The following SH2D4A variants were observed in gnomAD, a reference collection of about 807,000 sequenced individuals.
The protein encoded by SH2D4A is SH2 domain containing 4A.
SH2D4A carries 70 observed loss-of-function variants against 64.7 expected under a neutral mutation model. The observed-to-expected ratio is 1.08, with a 90% CI of 0.89 to 1.32. The LOEUF (loss-of-function observed/expected upper bound fraction) is 1.32, where lower values mean the gene tolerates loss of function less well. SH2D4A is among the 40% of genes most tolerant of loss of function. The probability of loss-of-function intolerance (pLI) is 0.00; values close to 1 mark genes in which losing one functional copy is unlikely to be tolerated. For synonymous variants in SH2D4A, 268 were observed against 200.7 expected, an observed-to-expected ratio of 1.34 and a Z score of -2.83; for missense variants, 706 against 540.1, an observed-to-expected ratio of 1.31 and a Z score of -3.04.
intron 4 of SH2D4A, among the ~76,000 whole-genome samples, chr8:19,356,345 T>C (rs2052791445): frequency 1.3e-5 from 2 of 152,204 alleles, no homozygotes; most frequent in Admixed American, 6.5e-5. Flanking sequence ...ACCAACCTTT[T>C]GCTGAAATTT....
intron 4 of SH2D4A, among the ~76,000 whole-genome samples, chr8:19,345,609 GC>G: frequency 6.6e-6 from 1 of 152,166 alleles, no homozygotes; most frequent in Non-Finnish European, 1.5e-5. Flanking sequence ...TTTCACTACA[GC>G]CCTCCCCTTG....
intron 4 of SH2D4A, among the ~76,000 whole-genome samples, chr8:19,336,277 A>G (rs1001242355): frequency 7.9e-5 from 12 of 151,988 alleles, no homozygotes; most frequent in African/African-American, 2.9e-4. Flanking sequence ...CTTAACTCTC[A>G]TGTTTGGTTG....
At chr8:19,385,060 T>A (rs905005245) in intron 8 of SH2D4A, among the ~76,000 whole-genome samples, 2 of 152,218 alleles carry the variant, frequency 1.3e-5, no homozygotes, top group Non-Finnish European at 2.9e-5. Context: ...TCTTGATTTG[T>A]TTCTTGTGGC....
chr8:19,354,576 A>C (rs1248355177), intron 4 of SH2D4A, among the ~76,000 whole-genome samples: 1 of 152,228 alleles, frequency 6.6e-6, no homozygotes, highest in Non-Finnish European at 1.5e-5. Flanking sequence ...GCATGCTGAA[A>C]GTACTAGTAA....
At chr8:19,364,721 T>C (rs1163310961) in intron 7 of SH2D4A, among the ~76,000 whole-genome samples, 1 of 152,218 alleles carries the variant, frequency 6.6e-6, no homozygotes, top group Non-Finnish European at 1.5e-5. Context: ...GACTTTCGTG[T>C]GATCAGTGGG....
intron 7 of SH2D4A, 55 bp from the exon 8 acceptor site, chr8:19,373,475 G>C: frequency 7.5e-7 from 1 of 1,337,196 alleles, no homozygotes; most frequent in Non-Finnish European, 1.0e-6. Context: ...TGACTTTTGA[G>C]GGCATTATTT....
rs564470054 is a variant in SH2D4A, at chr8:19,388,164, G to A, written c.1049-5154G>A. ...ATTCCAGGAAAATTCCATGAGCCTA[G>A]TGGGTTAAAAAGCATAGTGAGTTAA... On this transcript the variant is annotated intron_variant, in intron 8 of 9. Coordinates refer to ENST00000265807, the MANE Select transcript of SH2D4A (RefSeq NM_022071.4). Among the ~76,000 whole-genome samples, 335 of 152,302 alleles carry A rather than the reference G, an allele frequency of 2.2e-3. 3 individuals are homozygous for A. The highest frequency in any genetic ancestry group is 6.1e-3 in the Admixed American group (93 of 15,296).
intron 3 of SH2D4A, 136 bp downstream of exon 3, chr8:19,333,250 T>C: frequency 1.1e-6 from 1 of 947,362 alleles, no homozygotes; most frequent in Non-Finnish European, 1.5e-6. Context: ...ACTTTGGATC[T>C]CTTTGGAAGG....
Position 19,389,635 on chromosome 8 carries a change from C to T in SH2D4A, c.1049-3683C>T, listed in dbSNP as rs139807959. On this transcript the variant is annotated intron_variant, in intron 8 of 9. Coordinates refer to ENST00000265807, the MANE Select transcript of SH2D4A (RefSeq NM_022071.4). ...TGTGGGCTGCCAGAGTTCTGCCAGT[C>T]CTGGCCTGGATTCAACTCTAAAATC... 7.1e-3 allele frequency among the ~76,000 whole-genome samples: 1,076 copies of T among 152,272 alleles called. 40 individuals are homozygous for T. The highest frequency in any genetic ancestry group is 0.066 in the Admixed American group (1,006 of 15,284).
chr8:19,391,018 T>A (rs866215895), intron 8 of SH2D4A, among the ~76,000 whole-genome samples: 1 of 152,176 alleles, frequency 6.6e-6, no homozygotes, highest in Non-Finnish European at 1.5e-5. Context: ...TAGTGAGCCG[T>A]CAGCCTAGGA....
chr8:19,354,714 T>C (rs538503037), intron 4 of SH2D4A, among the ~76,000 whole-genome samples: 11 of 152,218 alleles, frequency 7.2e-5, no homozygotes, highest in Non-Finnish European at 1.0e-4. Context: ...GGATGGAGGA[T>C]AACTCACGCA....
chr8:19,373,471 T>G, intron 7 of SH2D4A, 59 bp from the exon 8 acceptor site: 1 of 1,280,508 alleles, frequency 7.8e-7, no homozygotes. Context: ...TATATGACTT[T>G]TGAGGGCATT....
rs537660323 is a variant in SH2D4A, at chr8:19,396,071, G to C, written c.*1429G>C. On this transcript the variant is annotated 3_prime_UTR_variant, in exon 10 of 10. Coordinates refer to ENST00000265807, the MANE Select transcript of SH2D4A (RefSeq NM_022071.4). ...CACCTCAGTCCAGTCCCAGTCAGGC[G>C]AACGGCCTCTGGACAGGGACTGAGG... The C allele has an allele frequency of 1.3e-5, 2 of 152,284 alleles. No individual in the cohort carries two copies. Among genetic ancestry groups the C allele is most frequent in the East Asian group, 3.9e-4 (2 of 5,158 alleles). 9.4% of individuals were successfully genotyped at this position (152,284 alleles called of 1,614,324 possible). A position where few individuals can be genotyped will look rare whatever the true frequency, so the allele number is the denominator to read the frequency against.
At chr8:19,335,666 G>C (rs1263382258) in intron 4 of SH2D4A, among the ~76,000 whole-genome samples, 3 of 152,158 alleles carry the variant, frequency 2.0e-5, no homozygotes, top group Non-Finnish European at 4.4e-5. Flanking sequence ...ACATTCTACT[G>C]AGTCTTAGCC....
chr8:19,313,706 C>T lies in SH2D4A; in HGVS notation c.-322C>T, dbSNP rs895270327. The T allele has an allele frequency of 2.3e-5, 34 of 1,472,698 alleles. 1 individual carries two copies. The highest frequency in any genetic ancestry group is 1.8e-4 in the Middle Eastern group (1 of 5,706). The allele number at this position is 1,472,698 out of a possible 1,614,324, so 91.2% of individuals were successfully genotyped here. On this transcript the variant is annotated 5_prime_UTR_variant, in exon 1 of 10. Coordinates refer to ENST00000265807, the MANE Select transcript of SH2D4A (RefSeq NM_022071.4). ...GTCCGGGCCGGAGTATTTGCTCAGC[C>T]CGCCTGCGCCGCTTGGGACGCCTCT...
chr8:19,378,171 G>C (rs1455122997), intron 8 of SH2D4A, among the ~76,000 whole-genome samples: 1 of 152,120 alleles, frequency 6.6e-6, no homozygotes, highest in African/African-American at 2.4e-5. Flanking sequence ...ATATTCTGGA[G>C]ACTGATCCTT....
chr8:19,392,762 G>A (rs1051468728), intron 8 of SH2D4A, among the ~76,000 whole-genome samples: 8 of 151,818 alleles, frequency 5.3e-5, no homozygotes, highest in African/African-American at 1.9e-4. Flanking sequence ...TTTTGAGATG[G>A]AGTCTTGCTC....
intron 1 of SH2D4A, among the ~76,000 whole-genome samples, chr8:19,318,923 A>G (rs2052135949): frequency 6.6e-6 from 1 of 151,498 alleles, no homozygotes; most frequent in Non-Finnish European, 1.5e-5. Context: ...ACATATCAAA[A>G]GTGGTATTTT....
At position 19,394,788 on chromosome 8, in the gene SH2D4A, T is replaced by C. The variant is rs1474629327; in HGVS notation, c.*146T>C. On this transcript the variant is annotated 3_prime_UTR_variant, in exon 10 of 10. Coordinates refer to ENST00000265807, the MANE Select transcript of SH2D4A (RefSeq NM_022071.4). ...AAGTAAAGTATCCATGGAGTCCTCA[T>C]TGACACCTCTTTTCTGCACAAATAC... 6 of 454,420 alleles carry C rather than the reference T, an allele frequency of 1.3e-5. No individual in the cohort carries two copies. Among genetic ancestry groups the C allele is most frequent in the South Asian group, 5.3e-5 (1 of 18,844 alleles). 28.1% of individuals were successfully genotyped at this position (454,420 alleles called of 1,614,324 possible). A position where few individuals can be genotyped will look rare whatever the true frequency, so the allele number is the denominator to read the frequency against.
Sources: gnomAD v4.1 joint callset for allele counts (sites outside exome capture counted in the v4.1 genomes callset) on GRCh38, gnomAD v4.1.1 for gene constraint, MANE v1.5 for transcripts, NCBI Gene and HGNC (gene_info 2026-07-23, HGNC 2026-07-21) for gene names.